EXOC6B: variants seen among roughly 807,000 people sequenced by gnomAD.
The protein encoded by EXOC6B is exocyst complex component 6B, also known as SEC15 homolog B.
A neutral mutation model predicts 113.5 loss-of-function variants in EXOC6B; 54 were observed. That is an observed-to-expected ratio of 0.48 (90% CI 0.38 to 0.60). The LOEUF is 0.60. Among genes scored for constraint, EXOC6B ranks in the 20% least tolerant of loss-of-function variants. The pLI is 0.00. For missense variants in EXOC6B, 797 were observed against 977.5 expected, an observed-to-expected ratio of 0.82 and a Z score of 2.46; for synonymous variants, 357 against 339.0, an observed-to-expected ratio of 1.05 and a Z score of -0.58.
intron 18 of EXOC6B, among the ~76,000 whole-genome samples, chr2:72,452,820 G>A (rs971291065): frequency 6.6e-6 from 1 of 152,148 alleles, no homozygotes; most frequent in Non-Finnish European, 1.5e-5. Flanking sequence ...AGTGTTCTTG[G>A]AAGGCACATC....
chr2:72,343,866 A>G (rs1222019660), intron 19 of EXOC6B, among the ~76,000 whole-genome samples: 3 of 152,152 alleles, frequency 2.0e-5, no homozygotes, highest in Admixed American at 6.6e-5. Flanking sequence ...GATCTTTTCT[A>G]TGTAATGAGT....
intron 20 of EXOC6B, among the ~76,000 whole-genome samples, chr2:72,255,803 T>C (rs564666041): frequency 8.3e-4 from 127 of 152,328 alleles, no homozygotes; most frequent in African/African-American, 3.0e-3. Context: ...TTAGAGTTAA[T>C]GCAATAATGG....
intron 11 of EXOC6B, among the ~76,000 whole-genome samples, chr2:72,506,611 A>G (rs1473825405): frequency 6.6e-6 from 1 of 152,214 alleles, no homozygotes; most frequent in Non-Finnish European, 1.5e-5. Context: ...AAAATACAGC[A>G]TTTCCAATTG....
At chr2:72,679,935 T>C (rs569820018) in intron 6 of EXOC6B, among the ~76,000 whole-genome samples, 154 of 152,308 alleles carry the variant, frequency 1.0e-3, no homozygotes, top group African/African-American at 3.6e-3. Context: ...TTTTCTTTCA[T>C]AAAATTTGGA....
chr2:72,206,160 A>T (rs1279606034), intron 20 of EXOC6B, among the ~76,000 whole-genome samples: 2 of 152,210 alleles, frequency 1.3e-5, no homozygotes, highest in African/African-American at 4.8e-5. Context: ...TCTCAGGCCT[A>T]TTTTACCGAT....
At chr2:72,771,680 A>G (rs1683410429) in intron 1 of EXOC6B, among the ~76,000 whole-genome samples, 1 of 152,136 alleles carries the variant, frequency 6.6e-6, no homozygotes, top group African/African-American at 2.4e-5. Context: ...TACATTATTA[A>G]AAATTACTGA....
At chr2:72,741,872 A>G (rs1681346709) in intron 1 of EXOC6B, among the ~76,000 whole-genome samples, 1 of 152,248 alleles carries the variant, frequency 6.6e-6, no homozygotes, top group South Asian at 2.1e-4. Flanking sequence ...GACTCAGGGT[A>G]GCCATGTAAC....
At chr2:72,700,499 T>C (rs1678243119) in intron 6 of EXOC6B, among the ~76,000 whole-genome samples, 5 of 152,222 alleles carry the variant, frequency 3.3e-5, no homozygotes, top group South Asian at 4.1e-4. Flanking sequence ...TCAACACATA[T>C]ATAAAATATT....
At chr2:72,194,696 G>T (rs891032362) in intron 20 of EXOC6B, among the ~76,000 whole-genome samples, 3 of 152,044 alleles carry the variant, frequency 2.0e-5, no homozygotes, top group African/African-American at 7.2e-5. Flanking sequence ...GGGAGTGCAG[G>T]AAGCAAGAAG....
At chr2:72,215,531 A>T (rs1680469575) in intron 20 of EXOC6B, among the ~76,000 whole-genome samples, 1 of 152,196 alleles carries the variant, frequency 6.6e-6, no homozygotes, top group African/African-American at 2.4e-5. Context: ...TTGATTGCAG[A>T]ACCAACTAGA....
At chr2:72,788,715 G>A (rs1442519324) in intron 1 of EXOC6B, among the ~76,000 whole-genome samples, 2 of 152,112 alleles carry the variant, frequency 1.3e-5, no homozygotes, top group African/African-American at 2.4e-5. Context: ...GAAGGATCGC[G>A]TGAGCCTAGG....
At chr2:72,822,941 GCA>G (rs1686661756) in intron 1 of EXOC6B, among the ~76,000 whole-genome samples, 1 of 151,982 alleles carries the variant, frequency 6.6e-6, no homozygotes, top group South Asian at 2.1e-4. Context: ...GACAATAGAG[GCA>G]CATCCCAAGT....
intron 6 of EXOC6B, among the ~76,000 whole-genome samples, chr2:72,665,732 G>A (rs1219137565): frequency 1.3e-5 from 2 of 152,136 alleles, no homozygotes; most frequent in Non-Finnish European, 2.9e-5. Flanking sequence ...TATACTGACT[G>A]CCACAAAAAC....
At chr2:72,707,826 C>A (rs1678988070) in intron 6 of EXOC6B, among the ~76,000 whole-genome samples, 3 of 152,054 alleles carry the variant, frequency 2.0e-5, no homozygotes, top group Admixed American at 2.0e-4. Flanking sequence ...ATACATATTT[C>A]ATGAATGAGT....
intron 20 of EXOC6B, among the ~76,000 whole-genome samples, chr2:72,279,125 C>T (rs762051882): frequency 6.6e-6 from 1 of 152,170 alleles, no homozygotes; most frequent in Non-Finnish European, 1.5e-5. Flanking sequence ...ATTTTCATTC[C>T]AATCACCATA....
intron 2 of EXOC6B, among the ~76,000 whole-genome samples, chr2:72,734,895 CCT>C (rs1363817190): frequency 6.6e-6 from 1 of 152,178 alleles, no homozygotes; most frequent in Non-Finnish European, 1.5e-5. Flanking sequence ...ATACCCCATA[CCT>C]GGACCCTATA....
chr2:72,670,133 G>A (rs1305366139), intron 6 of EXOC6B, among the ~76,000 whole-genome samples: 1 of 152,174 alleles, frequency 6.6e-6, no homozygotes, highest in Non-Finnish European at 1.5e-5. Context: ...GCTGGAATGA[G>A]TTTGTACTTT....
chr2:72,544,242 A>G (rs1342575753), intron 8 of EXOC6B, among the ~76,000 whole-genome samples: 1 of 152,180 alleles, frequency 6.6e-6, no homozygotes, highest in African/African-American at 2.4e-5. Flanking sequence ...AGGCAGAAAC[A>G]TCAGAATTCC....
At chr2:72,597,377 CTTAGAT>C (rs1243608147) in intron 6 of EXOC6B, among the ~76,000 whole-genome samples, 1 of 151,334 alleles carries the variant, frequency 6.6e-6, no homozygotes, top group Non-Finnish European at 1.5e-5. Flanking sequence ...TGAAAGTGGA[CTTAGAT>C]TAATTATAAA....
Sources: gnomAD v4.1 joint callset for allele counts (sites outside exome capture counted in the v4.1 genomes callset) on GRCh38, gnomAD v4.1.1 for gene constraint, MANE v1.5 for transcripts, NCBI Gene and HGNC (gene_info 2026-07-23, HGNC 2026-07-21) for gene names.